Variants in SYCP2 observed in about 807,000 individuals in gnomAD.
The protein encoded by SYCP2 is synaptonemal complex lateral element protein.
In SYCP2, 55 loss-of-function variants were observed where a neutral mutation model predicts 211.3. The ratio of observed to expected loss-of-function variants is 0.26; its 90% confidence interval spans 0.21 to 0.33. The LOEUF (loss-of-function observed/expected upper bound fraction) is 0.33. Among genes scored for constraint, SYCP2 ranks in the 10% least tolerant of loss-of-function variants. The probability of loss-of-function intolerance (pLI) is 1.00; values close to 1 mark genes in which losing one functional copy is unlikely to be tolerated. For missense variants in SYCP2, 1,731 were observed against 1,752.0 expected, an observed-to-expected ratio of 0.99 and a Z score of 0.21; for synonymous variants, 570 against 555.2, an observed-to-expected ratio of 1.03 and a Z score of -0.37.
Position 59,907,423 on chromosome 20 carries a change from T to C in SYCP2, c.974A>G (p.Asp325Gly). ...LSFYIAGDND[D>G]HQWEAVTVPE... Reference sequence around the variant, plus strand: ...CACAGTAACTGCTTCCCATTGATGATCCTTAAATTTAAAAGCAGGTTTTGG... The same window carrying C: ...CACAGTAACTGCTTCCCATTGATGACCCTTAAATTTAAAAGCAGGTTTTGG... Residue 325 changes from aspartate to glycine, a missense_variant and splice_region_variant, in exon 15 of 45, where the codon GAT (aspartate) becomes GGT (glycine). By Grantham distance (94) the Asp-to-Gly change is moderately conservative. Coordinates refer to ENST00000357552, the MANE Select transcript of SYCP2 (RefSeq NM_014258.4). 1 of 1,610,068 alleles carries C rather than the reference T, an allele frequency of 6.2e-7. No individual in the cohort carries two copies.
intron 31 of SYCP2, among the ~76,000 whole-genome samples, chr20:59,879,812 AATATAAATAAATAT>A (rs1200659867): frequency 3.3e-4 from 11 of 32,978 alleles, no homozygotes; most frequent in African/African-American, 3.1e-3. Context: ...ATATTTAGTA[AATATAAATAAATAT>A]ATATATATAT....
chr20:59,904,533 A>T (rs1324750760), intron 15 of SYCP2, among the ~76,000 whole-genome samples: 1 of 152,180 alleles, frequency 6.6e-6, no homozygotes, highest in Non-Finnish European at 1.5e-5. Flanking sequence ...TCTGCCTAAG[A>T]AGAAAAAAGA....
rs1157807870 is a variant in SYCP2 at position 59,869,889 on chromosome 20, T to C, written c.3650A>G (p.Tyr1217Cys). The C allele has an allele frequency of 1.9e-6, 3 of 1,603,728 alleles. No homozygotes were observed. Among genetic ancestry groups the C allele is most frequent in the East Asian group, 2.2e-5 (1 of 44,674 alleles). ...LTQETQNSNS[Y>C]SDVSSYSSEE... ...TGAACTATAACTGCTTACATCTGAA[T>C]AGCTGTTACTGTTTTGTGTTTCTTG... The change falls in exon 36 of 45, where the codon TAT becomes TGT. Residue 1217 changes from tyrosine to cysteine, a missense_variant. Around this residue, in one of 3 missense-constraint regions of SYCP2, gnomAD observed 1,387 missense variants for 1,351.3 expected, o/e 1.03. Coordinates refer to ENST00000357552, the MANE Select transcript of SYCP2 (RefSeq NM_014258.4).
At chr20:59,904,655 A>C (rs1488631185) in intron 15 of SYCP2, among the ~76,000 whole-genome samples, 1 of 152,188 alleles carries the variant, frequency 6.6e-6, no homozygotes, top group Non-Finnish European at 1.5e-5. Flanking sequence ...TGATCGAGAG[A>C]GGAAACAACA....
At chr20:59,871,716 C>T (rs928136004) in intron 35 of SYCP2, among the ~76,000 whole-genome samples, 1 of 151,904 alleles carries the variant, frequency 6.6e-6, no homozygotes, top group African/African-American at 2.4e-5. Flanking sequence ...ATAACCTATA[C>T]ACATCCTCCC....
At position 59,863,978 on chromosome 20, in the gene SYCP2, C is replaced by T. The variant is rs1230172270; in HGVS notation, c.*333G>A. The stretch of plus-strand genomic sequence containing the variant: ...CCCAAACTGCATTGATTCAAAAACA[C>T]ATTTTATGTAATAATACATTTTACA... On this transcript the variant is annotated 3_prime_UTR_variant, in exon 45 of 45. Transcript: ENST00000357552. The T allele has an allele frequency of 6.3e-6, 1 of 158,702 alleles. No homozygotes were observed. The highest frequency in any genetic ancestry group is 1.4e-5 in the Non-Finnish European group (1 of 72,588). 9.8% of individuals were successfully genotyped at this position (158,702 alleles called of 1,614,324 possible).
intron 31 of SYCP2, 63 bp from the exon 32 acceptor site, chr20:59,878,108 A>G (rs994336479): frequency 3.0e-5 from 31 of 1,047,170 alleles, no homozygotes; most frequent in Middle Eastern, 4.4e-4. Flanking sequence ...TAAATTTATT[A>G]GAACATCATT....
chr20:59,900,041 T>TA (rs1214129106), intron 18 of SYCP2, 97 bp downstream of exon 18: 3 of 1,288,866 alleles, frequency 2.3e-6, no homozygotes, highest in Non-Finnish European at 3.3e-6. Context: ...TCAAGGCCAA[T>TA]AATATATAAA....
intron 2 of SYCP2, among the ~76,000 whole-genome samples, chr20:59,930,268 A>T (rs1002687384): frequency 5.0e-4 from 76 of 152,328 alleles, no homozygotes; most frequent in African/African-American, 1.4e-3. Context: ...ATAATAATAA[A>T]AAAAAAATGC....
In SYCP2 at chr20:59,896,500, G is replaced by C; in HGVS notation, c.1433C>G (p.Ser478Cys). ...ACCAGAAACAATCATTGATGCTTCA[G>C]ACATTTTTCTTTTGCTAGGAGTAGT... ...EKTTPSKRKM[S>C]EASMIVSGAD... The change falls in exon 19 of 45, where the codon TCT becomes TGT. Residue 478 changes from serine (S) to cysteine (C), a missense_variant. Around this residue, in one of 3 missense-constraint regions of SYCP2, gnomAD observed 1,387 missense variants for 1,351.3 expected, o/e 1.03. Coordinates refer to ENST00000357552, the MANE Select transcript of SYCP2 (RefSeq NM_014258.4). The C allele has an allele frequency of 6.2e-7, 1 of 1,609,978 alleles. No homozygotes were observed. Among genetic ancestry groups the C allele is most frequent in the Non-Finnish European group, 8.5e-7 (1 of 1,177,324 alleles).
intron 24 of SYCP2, among the ~76,000 whole-genome samples, chr20:59,887,037 A>C (rs570089137): frequency 6.6e-6 from 1 of 152,268 alleles, no homozygotes; most frequent in East Asian, 1.9e-4. Flanking sequence ...GTTCTAGGGT[A>C]CATGTGTACA....
At chr20:59,926,644 A>G (rs184177964) in intron 2 of SYCP2, among the ~76,000 whole-genome samples, 9 of 152,240 alleles carry the variant, frequency 5.9e-5, no homozygotes, top group African/African-American at 2.4e-5. Context: ...AGAATCTCAC[A>G]TATCTTTTTA....
rs577632126 is a variant in SYCP2, at chr20:59,863,603, T to G, written c.*708A>C. 11 of 152,150 alleles carry G rather than the reference T, an allele frequency of 7.2e-5. No homozygotes were observed. In the South Asian group the frequency reaches 2.3e-3, roughly 32 times the overall value. The allele number at this position is 152,150 out of a possible 1,614,324, so 9.4% of individuals were successfully genotyped here. On this transcript the variant is annotated 3_prime_UTR_variant, in exon 45 of 45. Coordinates refer to ENST00000357552, the MANE Select transcript of SYCP2 (RefSeq NM_014258.4). Reference sequence around the variant, plus strand: ...TTATTCAAGTGACATAAGCATTTATTTCAACTTCATTAAAAGCAAATCAAA... The same window carrying G: ...TTATTCAAGTGACATAAGCATTTATGTCAACTTCATTAAAAGCAAATCAAA...
chr20:59,894,818 A>T (rs948398217), intron 20 of SYCP2, among the ~76,000 whole-genome samples: 3 of 152,058 alleles, frequency 2.0e-5, no homozygotes, highest in South Asian at 2.1e-4. Flanking sequence ...TTTCTCCAAG[A>T]AACTATTCTC....
intron 15 of SYCP2, among the ~76,000 whole-genome samples, chr20:59,904,539 A>G (rs1484525210): frequency 6.6e-6 from 1 of 152,178 alleles, no homozygotes; most frequent in Non-Finnish European, 1.5e-5. Flanking sequence ...TAAGAAGAAA[A>G]AAGAAACTCT....
At chr20:59,892,812 T>TTCCAC in intron 22 of SYCP2, 111 bp from the exon 23 acceptor site, 1 of 959,632 alleles carries the variant, frequency 1.0e-6, no homozygotes, top group Non-Finnish European at 1.5e-6. Flanking sequence ...ATGTGAAAAT[T>TTCCAC]ATGTGGAAAT....
intron 25 of SYCP2, 30 bp from the exon 26 acceptor site, chr20:59,885,994 A>G: frequency 6.5e-7 from 1 of 1,549,474 alleles, no homozygotes; most frequent in Non-Finnish European, 8.9e-7. Flanking sequence ...CAAAATTGAA[A>G]AAGCAAATCA....
chr20:59,925,995 C>T (rs918326230), intron 2 of SYCP2, among the ~76,000 whole-genome samples: 1 of 151,988 alleles, frequency 6.6e-6, no homozygotes, highest in Admixed American at 6.6e-5. Context: ...TTCTTCCTAA[C>T]CCCACCTCCT....
chr20:59,881,178 GTTAT>G (rs1173790957), intron 29 of SYCP2, among the ~76,000 whole-genome samples, 155 bp from the exon 30 acceptor site: 1 of 151,592 alleles, frequency 6.6e-6, no homozygotes, highest in Non-Finnish European at 1.5e-5. Context: ...TCTGACCTCA[GTTAT>G]AAAATAACTA....
Sources: allele counts gnomAD v4.1 joint callset (sites outside exome capture counted in the v4.1 genomes callset), GRCh38; gene constraint gnomAD v4.1.1; regional missense constraint gnomAD v4.1.1; transcripts MANE v1.5; gene names NCBI Gene and HGNC (gene_info 2026-07-23, HGNC 2026-07-21).